NPAS3: variants seen among roughly 807,000 people sequenced by gnomAD.
NPAS3 encodes the protein neuronal PAS domain-containing protein 3.
Under a neutral mutation model 73.1 loss-of-function variants are expected in NPAS3, and 14 were observed. That is an observed-to-expected ratio of 0.19 (90% CI 0.13 to 0.30). NPAS3 has a LOEUF of 0.30. Among genes scored for constraint, NPAS3 ranks in the 10% least tolerant of loss-of-function variants. The pLI is 1.00. For missense variants in NPAS3, 1,096 were observed against 1,250.0 expected (o/e 0.88, Z 1.86); for synonymous variants, 620 against 541.5 (o/e 1.14, Z -2.01).
At chr14:33,080,975 AT>A (rs1388926658) in intron 2 of NPAS3, among the ~76,000 whole-genome samples, 1 of 152,174 alleles carries the variant, frequency 6.6e-6, no homozygotes, top group Non-Finnish European at 1.5e-5. Flanking sequence ...AATAAGTGTT[AT>A]TTGGGAAGTA....
At chr14:33,471,290 T>A (rs906839722) in intron 4 of NPAS3, among the ~76,000 whole-genome samples, 9 of 152,360 alleles carry the variant, frequency 5.9e-5, no homozygotes, top group African/African-American at 2.2e-4. Context: ...AGTAATCTCA[T>A]GACCTTACTC....
At chr14:33,284,106 T>G (rs570806795) in intron 3 of NPAS3, among the ~76,000 whole-genome samples, 41 of 152,304 alleles carry the variant, frequency 2.7e-4, no homozygotes, top group African/African-American at 9.4e-4. Context: ...TATTTAAATC[T>G]TTTTCAGAAT....
intron 7 of NPAS3, among the ~76,000 whole-genome samples, chr14:33,771,456 A>C (rs2062649407): frequency 6.6e-6 from 1 of 152,184 alleles, no homozygotes; most frequent in Non-Finnish European, 1.5e-5. Flanking sequence ...TTTTCAAATA[A>C]CTTGAGCTTC....
chr14:33,467,718 A>G (rs2050593913), intron 4 of NPAS3, among the ~76,000 whole-genome samples: 1 of 152,170 alleles, frequency 6.6e-6, no homozygotes, highest in Non-Finnish European at 1.5e-5. Context: ...TAACCTAAGC[A>G]ATGTGGAGCA....
At chr14:32,941,950 T>G (rs1461332850) in intron 1 of NPAS3, among the ~76,000 whole-genome samples, 3 of 152,238 alleles carry the variant, frequency 2.0e-5, no homozygotes, top group Admixed American at 6.5e-5. Flanking sequence ...GTAAGTTGAT[T>G]TGGCTTTGTA....
chr14:33,638,890 A>T (rs888579335), intron 5 of NPAS3, among the ~76,000 whole-genome samples: 1 of 152,216 alleles, frequency 6.6e-6, no homozygotes, highest in African/African-American at 2.4e-5. Context: ...AGGGAATACA[A>T]TGACTTCTAG....
intron 1 of NPAS3, among the ~76,000 whole-genome samples, chr14:33,052,562 A>G (rs2040747607): frequency 6.6e-6 from 1 of 152,252 alleles, no homozygotes; most frequent in Non-Finnish European, 1.5e-5. Flanking sequence ...AAAACCCTTT[A>G]AAAACGTTGC....
At chr14:33,733,422 C>G (rs893196398) in intron 6 of NPAS3, among the ~76,000 whole-genome samples, 10 of 151,950 alleles carry the variant, frequency 6.6e-5, no homozygotes, top group Non-Finnish European at 1.3e-4. Flanking sequence ...AACTGCACGG[C>G]TGACTGACAG....
chr14:33,585,544 C>T (rs552985535), intron 5 of NPAS3, among the ~76,000 whole-genome samples: 1 of 152,086 alleles, frequency 6.6e-6, no homozygotes, highest in Non-Finnish European at 1.5e-5. Flanking sequence ...TTGAAATAAC[C>T]TTATCATCTT....
intron 4 of NPAS3, among the ~76,000 whole-genome samples, chr14:33,551,046 A>C (rs1385298262): frequency 6.6e-6 from 1 of 152,276 alleles, no homozygotes; most frequent in Admixed American, 6.5e-5. Context: ...AATAAAGAGC[A>C]AAGAACCTAT....
At chr14:32,999,968 GC>G (rs2038745264) in intron 1 of NPAS3, among the ~76,000 whole-genome samples, 1 of 152,148 alleles carries the variant, frequency 6.6e-6, no homozygotes, top group African/African-American at 2.4e-5. Flanking sequence ...GCTCACAATT[GC>G]CACATAGTAT....
At position 33,800,916 on chromosome 14, in the gene NPAS3, A is replaced by G. The variant is rs1476787019; in HGVS notation, c.2609A>G (p.Glu870Gly). The change falls in exon 12 of 12, where the codon GAG becomes GGG. Residue 870 changes from glutamate to glycine, a missense_variant. Around this residue, in one of 5 missense-constraint regions of NPAS3, gnomAD observed 698 missense variants for 676.7 expected, o/e 1.03. Coordinates refer to ENST00000356141, the Ensembl canonical transcript of NPAS3. This position sits in a 1 kb window ranked among gnomAD's most constrained non-coding sequence, Gnocchi z 6.5. ...GGCCTCGACCCCAAGACGCCCATGG[A>G]GATGCTCTACCACCACGTGCACCGG... 1 of 1,608,740 alleles carries G rather than the reference A, an allele frequency of 6.2e-7. No individual in the cohort carries two copies.
chr14:33,162,771 T>C (rs1479458972), intron 2 of NPAS3, among the ~76,000 whole-genome samples: 1 of 152,214 alleles, frequency 6.6e-6, no homozygotes, highest in Non-Finnish European at 1.5e-5. Context: ...TGGTGGCAGA[T>C]GGTATTAAAT....
At chr14:33,346,414 A>G (rs960485910) in intron 3 of NPAS3, among the ~76,000 whole-genome samples, 4 of 151,026 alleles carry the variant, frequency 2.6e-5, no homozygotes, top group African/African-American at 7.3e-5. Context: ...CTATAGTCCC[A>G]GCTACTTGGG....
intron 3 of NPAS3, among the ~76,000 whole-genome samples, chr14:33,218,347 G>A (rs2047300064): frequency 6.6e-6 from 1 of 152,028 alleles, no homozygotes; most frequent in Non-Finnish European, 1.5e-5. Flanking sequence ...AATATAAGGA[G>A]CACTTTCTAT....
intron 6 of NPAS3, chr14:33,680,722 G>A: frequency 1.5e-6 from 1 of 686,402 alleles, no homozygotes; most frequent in Non-Finnish European, 2.6e-6. Flanking sequence ...GTGGCTTTTT[G>A]GGTGGGTGTG....
intron 2 of NPAS3, among the ~76,000 whole-genome samples, chr14:33,057,654 C>A (rs972159771): frequency 7.9e-5 from 12 of 152,174 alleles, no homozygotes; most frequent in African/African-American, 2.4e-4. Flanking sequence ...GGAATCATCT[C>A]AAGGGCTTGC....
At chr14:33,716,420 A>G (rs2060958838) in intron 6 of NPAS3, among the ~76,000 whole-genome samples, 1 of 152,016 alleles carries the variant, frequency 6.6e-6, no homozygotes, top group Admixed American at 6.6e-5. Context: ...TTGTCTCATT[A>G]GTATGTCATG....
intron 7 of NPAS3, among the ~76,000 whole-genome samples, chr14:33,756,957 T>G (rs752736681): frequency 2.0e-5 from 3 of 152,146 alleles, no homozygotes; most frequent in Non-Finnish European, 4.4e-5. Context: ...GAAAAGGGAT[T>G]TGATATCACC....
Sources: allele counts gnomAD v4.1 joint callset (sites outside exome capture counted in the v4.1 genomes callset), GRCh38; gene constraint gnomAD v4.1.1; regional missense constraint gnomAD v4.1.1; non-coding constraint Gnocchi (gnomAD v3.1); transcripts MANE v1.5; gene names NCBI Gene and HGNC (gene_info 2026-07-23, HGNC 2026-07-21).